GOLM2: variants seen among roughly 807,000 people sequenced by gnomAD.
The protein encoded by GOLM2 is protein GOLM2.
A neutral mutation model predicts 55.9 loss-of-function variants in GOLM2; 26 were observed. That is an observed-to-expected ratio of 0.47 (90% CI 0.34 to 0.65). GOLM2 has a LOEUF of 0.65. Ranked by LOEUF, GOLM2 falls within the 30% of genes least tolerant of loss-of-function variation. GOLM2 has a pLI of 0.01. For synonymous variants in GOLM2, 165 were observed against 194.6 expected (o/e 0.85, Z 1.27); for missense variants, 486 against 531.8 (o/e 0.91, Z 0.85).
chr15:44,410,378 C>G (rs1336785615), intron 9 of GOLM2, among the ~76,000 whole-genome samples: 2 of 152,192 alleles, frequency 1.3e-5, no homozygotes, highest in Non-Finnish European at 2.9e-5. Flanking sequence ...TTGCAGTGAG[C>G]TGAGATCGCG....
chr15:44,389,667 T>G (rs903429776), intron 8 of GOLM2, among the ~76,000 whole-genome samples: 1 of 152,208 alleles, frequency 6.6e-6, no homozygotes, highest in African/African-American at 2.4e-5. Flanking sequence ...TTTATATAGT[T>G]ATCACCACAA....
At chr15:44,344,782 T>A (rs2079112736) in intron 6 of GOLM2, among the ~76,000 whole-genome samples, 1 of 146,834 alleles carries the variant, frequency 6.8e-6, no homozygotes, top group Non-Finnish European at 1.5e-5. Flanking sequence ...TTTAATTAAT[T>A]TTTTTTTTTT....
intron 4 of GOLM2, among the ~76,000 whole-genome samples, chr15:44,332,932 A>G (rs963742519): frequency 1.3e-5 from 2 of 151,944 alleles, no homozygotes; most frequent in African/African-American, 4.8e-5. Flanking sequence ...TAAGGACATG[A>G]TTCATTTTTT....
At position 44,377,874 on chromosome 15, in the gene GOLM2, TA is replaced by T. The variant is rs529346172; in HGVS notation, c.803-1807del. 1.1e-4 allele frequency among the ~76,000 whole-genome samples: 17 copies of T among 150,306 alleles called. No homozygotes were observed. The East Asian group carries it at 2.1e-3, about 19-fold the overall frequency. ...AGGTATACAGTATAATGTACAGAAA[TA>T]AAAAAAAACCCACCAGAGAGATACT... On this transcript the variant is annotated intron_variant, in intron 6 of 9. Transcript: ENST00000299957.
intron 6 of GOLM2, among the ~76,000 whole-genome samples, chr15:44,367,368 G>T (rs578151634): frequency 2.6e-5 from 4 of 152,218 alleles, no homozygotes; most frequent in Admixed American, 6.5e-5. Context: ...TTCTTGAAGT[G>T]CAGGTCTTCT....
intron 6 of GOLM2, among the ~76,000 whole-genome samples, chr15:44,364,043 TG>T (rs1439698258): frequency 2.1e-5 from 3 of 142,982 alleles, no homozygotes; most frequent in Non-Finnish European, 4.5e-5. Context: ...GGGACTGTTG[TG>T]GGGTGGGGGG....
At chr15:44,331,252 A>G (rs753074112) in intron 3 of GOLM2, among the ~76,000 whole-genome samples, 3 of 152,150 alleles carry the variant, frequency 2.0e-5, no homozygotes, top group Non-Finnish European at 2.9e-5. Context: ...CCTGGCCTCC[A>G]GTGATCTGCT....
chr15:44,347,933 A>G (rs910245147), intron 6 of GOLM2, among the ~76,000 whole-genome samples: 7 of 152,184 alleles, frequency 4.6e-5, no homozygotes, highest in African/African-American at 1.7e-4. Context: ...CTAGATGCCT[A>G]TAGTGTCTAG....
chr15:44,400,447 T>G (rs2079557100), intron 8 of GOLM2, among the ~76,000 whole-genome samples: 1 of 151,808 alleles, frequency 6.6e-6, no homozygotes, highest in Non-Finnish European at 1.5e-5. Context: ...GCCTCCCAAG[T>G]AGCTGGATTA....
At chr15:44,307,199 C>T (rs1400977116) in intron 1 of GOLM2, 3 of 153,146 alleles carry the variant, frequency 2.0e-5, no homozygotes, top group Non-Finnish European at 2.9e-5. Flanking sequence ...TGGAAACTAA[C>T]ATGATACTAA....
chr15:44,339,776 A>G (rs577071592), intron 6 of GOLM2, among the ~76,000 whole-genome samples: 29 of 152,130 alleles, frequency 1.9e-4, no homozygotes, highest in Admixed American at 7.2e-4. Context: ...CTGAGACTAC[A>G]GGTGTGTGCC....
rs2079307774 is a variant in GOLM2, at chr15:44,369,070, TATATATATATA to T, written c.803-10619_803-10609del. Among the ~76,000 whole-genome samples, 15 of 16,974 alleles carry T rather than the reference TATATATATATA, an allele frequency of 8.8e-4. 1 individual carries two copies. Among genetic ancestry groups the T allele is most frequent in the African/African-American group, 5.0e-3 (15 of 3,018 alleles). 11.1% of individuals were successfully genotyped at this position (16,974 alleles called of 152,430 possible). On this transcript the variant is annotated intron_variant, in intron 6 of 9. Transcript: ENST00000299957. ...TATATACATATAATAGGATATATTA[TATATATATATA>T]TATATATATATATATATATATATAT...
At chr15:44,348,608 C>T (rs1038277887) in intron 6 of GOLM2, 2 of 152,272 alleles carry the variant, frequency 1.3e-5, no homozygotes, top group African/African-American at 4.8e-5. Flanking sequence ...AGGAAGGACA[C>T]AAGCCCAGCT....
intron 1 of GOLM2, among the ~76,000 whole-genome samples, chr15:44,311,742 C>A (rs551934567): frequency 6.6e-6 from 1 of 152,054 alleles, no homozygotes; most frequent in Non-Finnish European, 1.5e-5. Context: ...CTCTGCCTCC[C>A]GGGTTCAAGC....
intron 6 of GOLM2, among the ~76,000 whole-genome samples, chr15:44,369,184 A>ATG (rs1229612955): frequency 8.4e-6 from 1 of 118,466 alleles, no homozygotes; most frequent in Non-Finnish European, 1.7e-5. Flanking sequence ...CATTTTAGAT[A>ATG]TGTGTGTGTA....
chr15:44,359,628 G>A (rs762204803), intron 6 of GOLM2, among the ~76,000 whole-genome samples: 1 of 152,134 alleles, frequency 6.6e-6, no homozygotes, highest in African/African-American at 2.4e-5. Flanking sequence ...AAAACACTCT[G>A]CAGGATATTA....
intron 9 of GOLM2, among the ~76,000 whole-genome samples, chr15:44,405,048 T>G (rs2079588952): frequency 1.3e-5 from 2 of 152,188 alleles, no homozygotes; most frequent in Non-Finnish European, 2.9e-5. Flanking sequence ...AAATTTTGAT[T>G]TAATATTTGT....
At chr15:44,320,422 C>G (rs928302799) in intron 1 of GOLM2, among the ~76,000 whole-genome samples, 2 of 152,172 alleles carry the variant, frequency 1.3e-5, no homozygotes, top group Non-Finnish European at 2.9e-5. Context: ...CCTCAGTCAC[C>G]TAAGTAGCTA....
rs184978746 is a variant in GOLM2 at position 44,316,680 on chromosome 15, G to A, written c.328-6285G>A. Reference sequence around the variant, plus strand: ...TGAGGCAGGAGAATGGCATGAACCCGGGAGGTGGAGGTTGCAGTGAGCCGA... The same window carrying A: ...TGAGGCAGGAGAATGGCATGAACCCAGGAGGTGGAGGTTGCAGTGAGCCGA... On this transcript the variant is annotated intron_variant, in intron 1 of 9. Coordinates refer to ENST00000299957, the MANE Select transcript of GOLM2 (RefSeq NM_138423.4). Among the ~76,000 whole-genome samples the A allele has an allele frequency of 5.0e-3, 767 of 151,974 alleles. 5 individuals carry two copies. Among genetic ancestry groups the A allele is most frequent in the African/African-American group, 0.017 (722 of 41,442 alleles).
Sources: gnomAD v4.1 joint callset for allele counts (sites outside exome capture counted in the v4.1 genomes callset) on GRCh38, gnomAD v4.1.1 for gene constraint, MANE v1.5 for transcripts, NCBI Gene and HGNC (gene_info 2026-07-23, HGNC 2026-07-21) for gene names.